The following ITFG1 variants were observed in gnomAD, a reference collection of about 807,000 sequenced individuals.
The protein encoded by ITFG1 is integrin alpha FG-GAP repeat containing 1.
A neutral mutation model predicts 81.8 loss-of-function variants in ITFG1; 34 were observed. That is an observed-to-expected ratio of 0.42 (90% CI 0.32 to 0.55). ITFG1 has a LOEUF of 0.55. Ranked by LOEUF, ITFG1 falls within the 20% of genes least tolerant of loss-of-function variation. The pLI, the probability that ITFG1 is intolerant of heterozygous loss-of-function variation, is 0.17. For synonymous variants in ITFG1, 285 were observed against 270.6 expected (o/e 1.05, Z -0.52); for missense variants, 672 against 755.4 (o/e 0.89, Z 1.29).
chr16:47,182,028 A>G (rs1965131203), intron 14 of ITFG1, among the ~76,000 whole-genome samples: 1 of 152,148 alleles, frequency 6.6e-6, no homozygotes, highest in African/African-American at 2.4e-5. Context: ...TCAAGTACCC[A>G]GGGACACAAA....
chr16:47,279,616 G>C (rs1966432385), intron 10 of ITFG1, among the ~76,000 whole-genome samples: 1 of 151,828 alleles, frequency 6.6e-6, no homozygotes, highest in Non-Finnish European at 1.5e-5. Flanking sequence ...TAGCTATTTT[G>C]GTTCCTTTGT....
rs1967258649 is a variant in ITFG1, at chr16:47,311,378, C to T, written c.932G>A (p.Gly311Asp). 3 of 1,613,100 alleles carry T rather than the reference C, an allele frequency of 1.9e-6. No individual in the cohort carries two copies. Among genetic ancestry groups the T allele is most frequent in the Non-Finnish European group, 2.5e-6 (3 of 1,179,510 alleles). Residue 311 changes from glycine to aspartate, a missense_variant, in exon 10 of 18, where the codon GGC becomes GAC. Transcript: ENST00000320640. The part of the protein sequence containing the change: ...VPVLQDFSNK[G>D]TLWGFVPFVD... The stretch of plus-strand genomic sequence containing the variant: ...AAATGGCACAAAGCCCCAGAGTGTG[C>T]CCTTATTGCTGAAATCTTGTAGGAC...
chr16:47,239,114 C>T (rs1965905929), intron 12 of ITFG1, among the ~76,000 whole-genome samples: 1 of 152,112 alleles, frequency 6.6e-6, no homozygotes, highest in African/African-American at 2.4e-5. Context: ...TTACCAGACA[C>T]TGAATTTGCC....
At chr16:47,322,985 T>TTTTA (rs113850777) in intron 8 of ITFG1, among the ~76,000 whole-genome samples, 17,991 of 152,034 alleles carry the variant, frequency 0.12, 2,312 homozygotes, top group African/African-American at 0.33. Context: ...ATATAAATAT[T>TTTTA]TTTGTTATTT....
At chr16:47,261,543 G>A (rs916546119) in intron 10 of ITFG1, among the ~76,000 whole-genome samples, 2 of 152,096 alleles carry the variant, frequency 1.3e-5, no homozygotes, top group Non-Finnish European at 2.9e-5. Flanking sequence ...TTTGTAAAGT[G>A]TTATTTTATG....
At chr16:47,370,530 C>T (rs2151588831) in intron 7 of ITFG1, among the ~76,000 whole-genome samples, 1 of 152,328 alleles carries the variant, frequency 6.6e-6, no homozygotes, top group African/African-American at 2.4e-5. Flanking sequence ...TGTAACACCC[C>T]CTTTAGGGCC....
At chr16:47,189,328 A>C (rs534342288) in intron 14 of ITFG1, among the ~76,000 whole-genome samples, 1 of 152,066 alleles carries the variant, frequency 6.6e-6, no homozygotes, top group Non-Finnish European at 1.5e-5. Context: ...TTTCATTACC[A>C]CAAAAAAAAC....
chr16:47,327,624 TA>T (rs1248370388), intron 8 of ITFG1, among the ~76,000 whole-genome samples: 1 of 151,754 alleles, frequency 6.6e-6, no homozygotes, highest in African/African-American at 2.4e-5. Context: ...CAAACAAATT[TA>T]CAAGAAAAAA....
At chr16:47,339,676 G>A (rs1415836974) in intron 8 of ITFG1, among the ~76,000 whole-genome samples, 3 of 151,982 alleles carry the variant, frequency 2.0e-5, no homozygotes, top group Non-Finnish European at 4.4e-5. Flanking sequence ...AGTGTGAGGA[G>A]CACAAAGAAA....
At chr16:47,270,460 T>C (rs190046157) in intron 10 of ITFG1, among the ~76,000 whole-genome samples, 3 of 152,342 alleles carry the variant, frequency 2.0e-5, no homozygotes, top group Non-Finnish European at 4.4e-5. Flanking sequence ...AGACCAACCA[T>C]ACCGATTTTG....
rs1403198619 is a variant in ITFG1, at chr16:47,414,653, G to A, written c.655+14151C>T. Among the ~76,000 whole-genome samples the A allele has an allele frequency of 2.6e-5, 4 of 152,148 alleles. No homozygotes were observed. The South Asian group carries it at 8.3e-4, about 32-fold the overall frequency. On this transcript the variant is annotated intron_variant, in intron 6 of 17. Transcript: ENST00000320640. ...ATACTAATAAATCTGAATTAAGAAA[G>A]AATCACAATTCTATACACAATTCCA... is the stretch of plus-strand genomic sequence containing the variant.
rs374754726 is a variant in ITFG1, at chr16:47,372,927, C to A, written c.720+2949G>T. 5.9e-5 allele frequency among the ~76,000 whole-genome samples: 9 copies of A among 152,308 alleles called. No homozygotes were observed. The East Asian group carries it at 1.5e-3, about 26-fold the overall frequency. On this transcript the variant is annotated intron_variant, in intron 7 of 17. Transcript: ENST00000320640. Reference sequence around the variant, plus strand: ...CTAAATTTACTATAAACTTTAATCTCCCTACGTCCAGATGTTGCATGCTAA... The same window carrying A: ...CTAAATTTACTATAAACTTTAATCTACCTACGTCCAGATGTTGCATGCTAA...
intron 5 of ITFG1, among the ~76,000 whole-genome samples, chr16:47,441,262 T>G (rs1415907806): frequency 6.6e-6 from 1 of 152,190 alleles, no homozygotes. Flanking sequence ...AAGGAGGAGC[T>G]GGTAACATTC....
chr16:47,168,315 A>G (rs181030959), intron 14 of ITFG1, among the ~76,000 whole-genome samples: 2 of 152,314 alleles, frequency 1.3e-5, no homozygotes, highest in African/African-American at 4.8e-5. Flanking sequence ...TCTGGATACT[A>G]GAACTTTATC....
At chr16:47,421,310 AT>A (rs558994153) in intron 6 of ITFG1, among the ~76,000 whole-genome samples, 65 of 150,196 alleles carry the variant, frequency 4.3e-4, no homozygotes, top group African/African-American at 1.5e-3. Flanking sequence ...ACACACATAC[AT>A]ATTTTTTTTT....
chr16:47,182,915 C>A (rs1457812038), intron 14 of ITFG1, among the ~76,000 whole-genome samples: 2 of 152,174 alleles, frequency 1.3e-5, no homozygotes, highest in Non-Finnish European at 2.9e-5. Flanking sequence ...GGTGCGCACA[C>A]CGTGCGCGAG....
chr16:47,458,605 A>G (rs1406007624), intron 2 of ITFG1, among the ~76,000 whole-genome samples: 1 of 152,238 alleles, frequency 6.6e-6, no homozygotes, highest in East Asian at 1.9e-4. Flanking sequence ...AAGAAAAATA[A>G]CTATTACTTG....
At chr16:47,368,237 T>TAAAAAAA (rs1197857958) in intron 7 of ITFG1, among the ~76,000 whole-genome samples, 2 of 78,002 alleles carry the variant, frequency 2.6e-5, no homozygotes, top group Non-Finnish European at 2.7e-5. Flanking sequence ...CCGTCTCAAT[T>TAAAAAAA]AAAAAAAAAA....
intron 8 of ITFG1, among the ~76,000 whole-genome samples, chr16:47,320,008 G>A (rs755515333): frequency 6.6e-6 from 1 of 152,042 alleles, no homozygotes; most frequent in African/African-American, 2.4e-5. Context: ...TGCAACTTTC[G>A]CCTCCTGTGT....
Sources: allele counts gnomAD v4.1 joint callset (sites outside exome capture counted in the v4.1 genomes callset), GRCh38; gene constraint gnomAD v4.1.1; transcripts MANE v1.5; gene names NCBI Gene and HGNC (gene_info 2026-07-23, HGNC 2026-07-21).